Variants in FAM107B observed in about 807,000 individuals in gnomAD.
FAM107B encodes the protein protein FAM107B.
In FAM107B, 21 loss-of-function variants were observed where a neutral mutation model predicts 31.5. The observed-to-expected ratio is 0.67, with a 90% CI of 0.47 to 0.96. The LOEUF is 0.96. FAM107B is among the 40% of genes least tolerant of loss of function. FAM107B has a pLI of 0.00. For missense variants in FAM107B, 452 were observed against 377.1 expected (o/e 1.20, Z -1.64); for synonymous variants, 157 against 141.5 (o/e 1.11, Z -0.78).
intron 2 of FAM107B, among the ~76,000 whole-genome samples, chr10:14,666,785 G>A (rs556261452): frequency 2.6e-5 from 4 of 152,092 alleles, no homozygotes; most frequent in Non-Finnish European, 5.9e-5. Flanking sequence ...TAGTATAGAG[G>A]GAAAGGGTGG....
In FAM107B at chr10:14,521,197, T is replaced by C; in HGVS notation, c.914A>G (p.Glu305Gly). The C allele has an allele frequency of 6.2e-7, 1 of 1,614,080 alleles. No homozygotes were observed. The highest frequency in any genetic ancestry group is 1.1e-5 in the South Asian group (1 of 91,074). ...RTGQEVAQAQ[E>G]S is the part of the protein sequence containing the mutation. ...TCTTGGTGCAGCCTCAGCCTAGGAC[T>C]CCTGGGCTTGGGCGACTTCTTGGCC... is the stretch of plus-strand genomic sequence containing the variant. The change falls in exon 5 of 5, where the codon GAG becomes GGG. Residue 305 changes from glutamate to glycine, a missense_variant. Transcript: ENST00000181796.
chr10:14,574,837 C>T (rs552223150), intron 2 of FAM107B, among the ~76,000 whole-genome samples: 1 of 152,284 alleles, frequency 6.6e-6, no homozygotes, highest in East Asian at 1.9e-4. Context: ...ATGGTGAAAT[C>T]TCTTCGTAAT....
At chr10:14,699,904 G>A (rs1047170907) in intron 1 of FAM107B, among the ~76,000 whole-genome samples, 1 of 152,170 alleles carries the variant, frequency 6.6e-6, no homozygotes, top group Non-Finnish European at 1.5e-5. Context: ...GCAGGGGATA[G>A]TGAAGAGTCA....
At chr10:14,553,115 T>C (rs557288300) in intron 2 of FAM107B, among the ~76,000 whole-genome samples, 1 of 152,304 alleles carries the variant, frequency 6.6e-6, no homozygotes, top group East Asian at 1.9e-4. Context: ...TAAGACATCA[T>C]CTTCTCTTCC....
chr10:14,632,304 C>CAA lies in FAM107B; in HGVS notation c.469+35328_469+35329dup, dbSNP rs60289509. Among the ~76,000 whole-genome samples, 390 of 56,588 alleles carry CAA rather than the reference C, an allele frequency of 6.9e-3. 6 individuals are homozygous for CAA. The highest frequency in any genetic ancestry group is 0.019 in the African/African-American group (251 of 13,234). The allele number at this position is 56,588 out of a possible 152,430, so 37.1% of individuals were successfully genotyped here. A position where few individuals can be genotyped will look rare whatever the true frequency, so the allele number is the denominator to read the frequency against. ...TGGGGGACAGAGCGAGACTCTGTCT[C>CAA]AAAAAAAAAAAAAAAAAAAAAAAAA... On this transcript the variant is annotated intron_variant, in intron 2 of 4. Transcript: ENST00000181796.
chr10:14,545,088 C>G (rs1848574487), intron 2 of FAM107B, among the ~76,000 whole-genome samples: 1 of 152,104 alleles, frequency 6.6e-6, no homozygotes, highest in African/African-American at 2.4e-5. Flanking sequence ...GTCACATAAC[C>G]TTTGCAGTAG....
intron 1 of FAM107B, among the ~76,000 whole-genome samples, chr10:14,707,469 A>G (rs962731191): frequency 1.3e-5 from 2 of 152,198 alleles, no homozygotes; most frequent in African/African-American, 4.8e-5. Flanking sequence ...AGGCACAAGG[A>G]CAAAAAGAAT....
At chr10:14,554,260 C>CTGTGA in intron 2 of FAM107B, 10 of 472,622 alleles carry the variant, frequency 2.1e-5, no homozygotes, top group Non-Finnish European at 2.8e-5. Context: ...CACTGCAGTT[C>CTGTGA]ACAGCACTGC....
rs1194839426 is a variant in FAM107B at position 14,774,563 on chromosome 10, G to T, written c.101C>A (p.Thr34Lys). Reference sequence around the variant, plus strand: ...CTGATTGAAGGAAGCACTCTCCCTCGTATTCCCAAAACAGGCGAGCAGAGC... The same window carrying T: ...CTGATTGAAGGAAGCACTCTCCCTCTTATTCCCAAAACAGGCGAGCAGAGC... ...CSALLACFGN[T>K]RESASFNQSG... is the part of the protein sequence containing the mutation. The change falls in exon 1 of 5, where the codon ACG becomes AAG. Residue 34 changes from threonine (T) to lysine (K), a missense_variant. Physicochemically the swap from Thr to Lys is moderately conservative, Grantham distance 78 (BLOSUM62 -1). Transcript: ENST00000181796. 3 of 1,614,174 alleles carry T rather than the reference G, an allele frequency of 1.9e-6. No individual in the cohort carries two copies. Among genetic ancestry groups the T allele is most frequent in the Non-Finnish European group, 2.5e-6 (3 of 1,180,030 alleles).
intron 2 of FAM107B, among the ~76,000 whole-genome samples, chr10:14,597,725 G>A (rs991613246): frequency 7.2e-5 from 11 of 152,106 alleles, no homozygotes; most frequent in Admixed American, 2.0e-4. Flanking sequence ...ATTGGCAGGC[G>A]GATCATTTGA....
intron 1 of FAM107B, among the ~76,000 whole-genome samples, chr10:14,710,370 C>A (rs537890915): frequency 3.3e-5 from 5 of 151,796 alleles, no homozygotes; most frequent in African/African-American, 1.2e-4. Context: ...ACGATTGCAC[C>A]ACTATACTCC....
At chr10:14,570,233 G>GGGGTGTGTGTGTGTGTGTGTGTGTGTGT (rs1554835078) in intron 2 of FAM107B, among the ~76,000 whole-genome samples, 19 of 140,338 alleles carry the variant, frequency 1.4e-4, no homozygotes, top group African/African-American at 4.8e-4. Flanking sequence ...AAATGTGGTG[G>GGGGTGTGTGTGTGTGTGTGTGTGTGTGT]GTGTGTGTGT....
At chr10:14,538,272 T>C (rs1847844214) in intron 2 of FAM107B, among the ~76,000 whole-genome samples, 1 of 152,218 alleles carries the variant, frequency 6.6e-6, no homozygotes, top group African/African-American at 2.4e-5. Context: ...AGAATGTTAA[T>C]GGCAGGCCAT....
intron 1 of FAM107B, among the ~76,000 whole-genome samples, chr10:14,687,526 G>A (rs1412221964): frequency 1.3e-5 from 2 of 151,340 alleles, no homozygotes; most frequent in Non-Finnish European, 2.9e-5. Flanking sequence ...TGTACACAGT[G>A]ATCACTGAGC....
intron 1 of FAM107B, among the ~76,000 whole-genome samples, chr10:14,712,975 G>A (rs1246270489): frequency 1.3e-5 from 2 of 152,116 alleles, no homozygotes; most frequent in Admixed American, 6.5e-5. Context: ...TACACTGCAA[G>A]CTTCTGCTGC....
At chr10:14,604,285 C>G (rs1303980765) in intron 2 of FAM107B, 4 of 979,034 alleles carry the variant, frequency 4.1e-6, no homozygotes, top group Non-Finnish European at 4.8e-6. Context: ...AGCTCGCTCC[C>G]GGCGCCCGCG....
intron 1 of FAM107B, among the ~76,000 whole-genome samples, chr10:14,771,639 C>A (rs1008028839): frequency 6.6e-6 from 1 of 151,920 alleles, no homozygotes. Flanking sequence ...AATTAAAAAA[C>A]AAATAATAAT....
At chr10:14,680,466 C>T (rs1302253368) in intron 1 of FAM107B, among the ~76,000 whole-genome samples, 2 of 151,214 alleles carry the variant, frequency 1.3e-5, no homozygotes, top group South Asian at 2.1e-4. Context: ...CCCAGCTACT[C>T]GGGAGGCTGA....
intron 2 of FAM107B, among the ~76,000 whole-genome samples, chr10:14,586,902 T>C (rs1851862140): frequency 6.6e-6 from 1 of 152,176 alleles, no homozygotes; most frequent in African/African-American, 2.4e-5. Flanking sequence ...ACATTTCAGG[T>C]GGAGAAGGCC....
Sources: gnomAD v4.1 joint callset for allele counts (sites outside exome capture counted in the v4.1 genomes callset) on GRCh38, gnomAD v4.1.1 for gene constraint, MANE v1.5 for transcripts, NCBI Gene and HGNC (gene_info 2026-07-23, HGNC 2026-07-21) for gene names.